COL4A1: variants seen among roughly 807,000 people sequenced by gnomAD.
COL4A1 encodes collagen type IV alpha 1 chain, also known as collagen alpha-1(IV) chain.
Under a neutral mutation model 216.6 loss-of-function variants are expected in COL4A1, and 40 were observed. The observed-to-expected ratio is 0.18, with a 90% CI of 0.14 to 0.24. The LOEUF (loss-of-function observed/expected upper bound fraction) is 0.24, where lower values mean the gene tolerates loss of function less well. Among genes scored for constraint, COL4A1 ranks in the 10% least tolerant of loss-of-function variants. The pLI, the probability that COL4A1 is intolerant of heterozygous loss-of-function variation, is 1.00. For missense variants in COL4A1, 1,628 were observed against 2,196.8 expected, an observed-to-expected ratio of 0.74 and a Z score of 5.18; for synonymous variants, 839 against 810.7, an observed-to-expected ratio of 1.03 and a Z score of -0.59.
chr13:110,168,457 A>G (rs1231947549), intron 43 of COL4A1, among the ~76,000 whole-genome samples: 1 of 152,250 alleles, frequency 6.6e-6, no homozygotes, highest in Non-Finnish European at 1.5e-5. Flanking sequence ...CATTTGCTAT[A>G]CTGTGGAGAT....
At position 110,207,787 on chromosome 13, in the gene COL4A1, A is replaced by T. The variant is rs138205349; in HGVS notation, c.694-298T>A. Among the ~76,000 whole-genome samples, 1 of 152,154 alleles carries T rather than the reference A, an allele frequency of 6.6e-6. No homozygotes were observed. The highest frequency in any genetic ancestry group is 2.1e-4 in the South Asian group (1 of 4,832). On this transcript the variant is annotated intron_variant, in intron 12 of 51. Coordinates refer to ENST00000375820, the MANE Select transcript of COL4A1 (RefSeq NM_001845.6). This position sits in a 1 kb window ranked among gnomAD's most constrained non-coding sequence, Gnocchi z 4.4. ...CCTCCGGACTTGCGTGCCCCTGTAT[A>T]GTGTATACTGGCTTCTGATGGCACG...
At chr13:110,156,392 G>T (rs569001674) in intron 49 of COL4A1, among the ~76,000 whole-genome samples, 2 of 152,334 alleles carry the variant, frequency 1.3e-5, no homozygotes, top group South Asian at 2.1e-4. Context: ...GACAAATAAT[G>T]CATGCTTTAA....
At chr13:110,267,225 G>A (rs186880819) in intron 1 of COL4A1, among the ~76,000 whole-genome samples, 186 of 152,282 alleles carry the variant, frequency 1.2e-3, no homozygotes, top group African/African-American at 4.3e-3. Context: ...GAAGGACCTC[G>A]CACTATCTGG....
intron 23 of COL4A1, 137 bp downstream of exon 23, chr13:110,192,693 C>T (rs1878692639): frequency 1.5e-6 from 1 of 679,360 alleles, no homozygotes; most frequent in African/African-American, 1.8e-5. Context: ...GGAAGTGGGG[C>T]CCAACATTCT....
chr13:110,253,749 T>C (rs57194222), intron 1 of COL4A1, among the ~76,000 whole-genome samples: 2 of 144,626 alleles, frequency 1.4e-5, no homozygotes, highest in African/African-American at 2.6e-5. Flanking sequence ...GTATTACATA[T>C]ACATATAATT....
rs575017555 is a variant in COL4A1, at chr13:110,227,231, C to T, written c.145-13216G>A. Among the ~76,000 whole-genome samples, 7 of 152,180 alleles carry T rather than the reference C, an allele frequency of 4.6e-5. No homozygotes were observed. The South Asian group carries it at 1.5e-3, about 32-fold the overall frequency. On this transcript the variant is annotated intron_variant, in intron 2 of 51. Coordinates refer to ENST00000375820, the MANE Select transcript of COL4A1 (RefSeq NM_001845.6). ...TCGGCTAGAAACTAAGATGTGGAAA[C>T]AGACCAACTGGGTTACAGTTTGCAA...
Position 110,169,631 on chromosome 13 carries a change from G to T in COL4A1, c.3874C>A (p.Pro1292Thr), listed in dbSNP as rs752824016. 9.3e-6 allele frequency: 15 copies of T among 1,613,668 alleles called. No homozygotes were observed. The highest frequency in any genetic ancestry group is 6.6e-5 in the South Asian group (6 of 91,076). Reference protein sequence around the residue: ...PKGDPGFQGMPGIGGSPGITG... With the variant: ...PKGDPGFQGMTGIGGSPGITG... ...AAATCTACAAATCAATAACTCACAG[G>T]CATGCCCTGGAATCCAGGGTCTCCC... Residue 1292 changes from proline to threonine, a missense_variant and splice_region_variant, in exon 43 of 52, where the codon CCT (proline) becomes ACT (threonine). By Grantham distance (38) the Pro-to-Thr change is conservative (BLOSUM62 -1). Coordinates refer to ENST00000375820, the MANE Select transcript of COL4A1 (RefSeq NM_001845.6).
At chr13:110,166,503 A>G (rs564430643) in intron 44 of COL4A1, among the ~76,000 whole-genome samples, 200 bp from the exon 45 acceptor site, 1 of 152,358 alleles carries the variant, frequency 6.6e-6, no homozygotes, top group South Asian at 2.1e-4. Flanking sequence ...ACATATACAC[A>G]TACATATACA....
intron 24 of COL4A1, among the ~76,000 whole-genome samples, chr13:110,188,882 A>G (rs1878510983): frequency 1.3e-5 from 2 of 152,110 alleles, no homozygotes; most frequent in Non-Finnish European, 2.9e-5. Context: ...CATACCAACC[A>G]CGATGCACTG....
At position 110,226,589 on chromosome 13, in the gene COL4A1, A is replaced by G. The variant is rs977595074; in HGVS notation, c.145-12574T>C. ...GATATACAATTGCCAGGTTAAAACTAGACAAACCAACTTTGCCCATAGAAT... is the reference window on the plus strand; with the variant it reads ...GATATACAATTGCCAGGTTAAAACTGGACAAACCAACTTTGCCCATAGAAT... On this transcript the variant is annotated intron_variant, in intron 2 of 51. Transcript: ENST00000375820. Among the ~76,000 whole-genome samples the G allele has an allele frequency of 1.1e-4, 16 of 152,376 alleles. No individual in the cohort carries two copies. The South Asian group carries it at 3.1e-3, about 30-fold the overall frequency.
chr13:110,172,025 G>A (rs189469961), intron 41 of COL4A1, among the ~76,000 whole-genome samples: 30 of 152,334 alleles, frequency 2.0e-4, no homozygotes, highest in East Asian at 1.9e-4. Context: ...CAACACCTCC[G>A]TGCCCCTGCT....
chr13:110,176,286 T>C (rs1877882032), intron 36 of COL4A1, 138 bp downstream of exon 36: 1 of 720,162 alleles, frequency 1.4e-6, no homozygotes, highest in Non-Finnish European at 2.5e-6. Flanking sequence ...CATTCAGAGC[T>C]GGGGATGTGA....
At chr13:110,245,097 A>G (rs9521666) in intron 1 of COL4A1, among the ~76,000 whole-genome samples, 21,541 of 152,140 alleles carry the variant, frequency 0.14, 1,895 homozygotes, top group Non-Finnish European at 0.21. Context: ...ACTGTGGGAC[A>G]AAGCTCCAAA....
Position 110,174,620 on chromosome 13 carries a change from T to C in COL4A1, c.3325+3A>G. The C allele has an allele frequency of 1.2e-6, 2 of 1,614,152 alleles. No individual in the cohort carries two copies. The highest frequency in any genetic ancestry group is 1.7e-6 in the Non-Finnish European group (2 of 1,180,014). On this transcript the variant is annotated splice_donor_region_variant and intron_variant, in intron 38 of 51. Transcript: ENST00000375820. ...AAGTCCAAGAGAAGCCCCCCTCACCTACCTGGATAGCCAACACTCCCGGGA... is the reference window on the plus strand; with the variant it reads ...AAGTCCAAGAGAAGCCCCCCTCACCCACCTGGATAGCCAACACTCCCGGGA...
intron 2 of COL4A1, among the ~76,000 whole-genome samples, chr13:110,218,069 A>G (rs1880177774): frequency 6.6e-6 from 1 of 152,340 alleles, no homozygotes; most frequent in Non-Finnish European, 1.5e-5. Flanking sequence ...AAATTCAAAT[A>G]CAAATCAAAT....
Position 110,174,630 on chromosome 13 carries a change from G to A in COL4A1, c.3318C>T (p.Gly1106=), listed in dbSNP as rs766403607. The change falls in exon 38 of 52, where the codon GGC becomes GGT. Residue 1106 remains glycine (G), a synonymous_variant. Transcript: ENST00000375820. ...PGLKGSPGSV[G]YPGSPGLPGE... is the part of the protein sequence containing the mutation. The stretch of plus-strand genomic sequence containing the variant: ...GAAGCCCCCCTCACCTACCTGGATA[G>A]CCAACACTCCCGGGAGACCCTTTAA... The A allele has an allele frequency of 6.2e-7, 1 of 1,614,152 alleles. No individual in the cohort carries two copies. The highest frequency in any genetic ancestry group is 1.7e-5 in the Admixed American group (1 of 60,022).
intron 1 of COL4A1, among the ~76,000 whole-genome samples, chr13:110,299,847 T>C (rs1276187552): frequency 6.6e-6 from 1 of 152,206 alleles, no homozygotes; most frequent in Non-Finnish European, 1.5e-5. Context: ...TAAAATGGCA[T>C]TGCATTCTTT....
chr13:110,152,671 G>T (rs1876562511), intron 50 of COL4A1, among the ~76,000 whole-genome samples, 165 bp from the exon 51 acceptor site: 1 of 152,238 alleles, frequency 6.6e-6, no homozygotes, highest in African/African-American at 2.4e-5. Context: ...TATCGGGCTG[G>T]CCCGCAAGCC....
intron 1 of COL4A1, chr13:110,266,237 G>T (rs966862574): frequency 6.6e-6 from 1 of 152,256 alleles, no homozygotes; most frequent in South Asian, 2.1e-4. Flanking sequence ...TCTCACAATG[G>T]GCTCACAGAC....
Sources: allele counts gnomAD v4.1 joint callset (sites outside exome capture counted in the v4.1 genomes callset), GRCh38; gene constraint gnomAD v4.1.1; non-coding constraint Gnocchi (gnomAD v3.1); transcripts MANE v1.5; gene names NCBI Gene and HGNC (gene_info 2026-07-23, HGNC 2026-07-21).